The following TAFA2 variants were observed in gnomAD, a reference collection of about 807,000 sequenced individuals.
TAFA2 encodes the protein chemokine-like protein TAFA-2.
TAFA2 carries 7 observed loss-of-function variants against 18.8 expected under a neutral mutation model. The observed-to-expected ratio is 0.37, with a 90% CI of 0.21 to 0.70. TAFA2 has a LOEUF of 0.70. TAFA2 is among the 30% of genes least tolerant of loss of function. TAFA2 has a pLI of 0.53. For synonymous variants in TAFA2, 60 were observed against 54.2 expected (o/e 1.11, Z -0.47); for missense variants, 122 against 158.1 (o/e 0.77, Z 1.23).
chr12:62,026,338 C>T (rs1330702787), intron 1 of TAFA2, among the ~76,000 whole-genome samples: 1 of 152,036 alleles, frequency 6.6e-6, no homozygotes, highest in Non-Finnish European at 1.5e-5. Flanking sequence ...TTGAGGTTTG[C>T]CCTTAAAGCG....
At position 61,914,505 on chromosome 12, in the gene TAFA2, C is replaced by A. The variant is rs186242293; in HGVS notation, c.-1-47079G>T. On this transcript the variant is annotated intron_variant, in intron 1 of 4. Coordinates refer to ENST00000416284, the MANE Select transcript of TAFA2 (RefSeq NM_178539.5). The stretch of plus-strand genomic sequence containing the variant: ...TTTTGAAACTAAGAGTTACTGTAAA[C>A]CTAATTAAAATGACTGGTGTTATTC... Among the ~76,000 whole-genome samples the A allele has an allele frequency of 1.4e-3, 219 of 152,156 alleles. 1 individual carries two copies. The highest frequency in any genetic ancestry group is 5.1e-3 in the African/African-American group (212 of 41,544).
At chr12:61,839,689 C>T (rs1172630523) in intron 2 of TAFA2, among the ~76,000 whole-genome samples, 1 of 151,912 alleles carries the variant, frequency 6.6e-6, no homozygotes, top group Non-Finnish European at 1.5e-5. Context: ...CAAATGGGAG[C>T]TAAACATTTG....
At chr12:61,919,882 G>T (rs1176759863) in intron 1 of TAFA2, among the ~76,000 whole-genome samples, 2 of 152,114 alleles carry the variant, frequency 1.3e-5, no homozygotes, top group Non-Finnish European at 2.9e-5. Context: ...AGTAAGTTCT[G>T]ATTCAATTGC....
intron 3 of TAFA2, among the ~76,000 whole-genome samples, chr12:61,754,394 T>G (rs1397057773): frequency 2.0e-5 from 3 of 151,824 alleles, no homozygotes; most frequent in Non-Finnish European, 4.4e-5. Flanking sequence ...AGGAAAAAAA[T>G]TAATATATTA....
intron 1 of TAFA2, among the ~76,000 whole-genome samples, chr12:61,948,840 A>T (rs1225018616): frequency 1.3e-5 from 2 of 152,080 alleles, no homozygotes; most frequent in Admixed American, 6.5e-5. Flanking sequence ...GCTCCATTAC[A>T]CCCATAGTGT....
intron 4 of TAFA2, among the ~76,000 whole-genome samples, chr12:61,719,220 A>G (rs943742412): frequency 6.6e-6 from 1 of 152,180 alleles, no homozygotes; most frequent in African/African-American, 2.4e-5. Flanking sequence ...GCCTTTCCCC[A>G]AAACTCAACC....
intron 1 of TAFA2, among the ~76,000 whole-genome samples, chr12:61,966,621 C>T (rs778746853): frequency 1.3e-5 from 2 of 151,834 alleles, no homozygotes; most frequent in Non-Finnish European, 2.9e-5. Context: ...TCTTTTAAAA[C>T]ATCCATGTCA....
intron 1 of TAFA2, among the ~76,000 whole-genome samples, chr12:61,975,719 T>C (rs1387801358): frequency 6.6e-6 from 1 of 151,824 alleles, no homozygotes; most frequent in African/African-American, 2.4e-5. Flanking sequence ...CAGGGACCCA[T>C]CTGATGATTA....
intron 2 of TAFA2, among the ~76,000 whole-genome samples, chr12:61,777,185 G>T (rs970595201): frequency 6.6e-6 from 1 of 151,878 alleles, no homozygotes; most frequent in African/African-American, 2.4e-5. Flanking sequence ...CAGCCTTCTG[G>T]GGGGAAGCAG....
intron 4 of TAFA2, among the ~76,000 whole-genome samples, chr12:61,733,992 C>A (rs1357854497): frequency 6.8e-6 from 1 of 147,520 alleles, no homozygotes; most frequent in Non-Finnish European, 1.5e-5. Context: ...CCTTCACATC[C>A]CTTGTAAGTT....
chr12:61,847,693 A>G (rs370104994), intron 2 of TAFA2, among the ~76,000 whole-genome samples: 4 of 152,236 alleles, frequency 2.6e-5, no homozygotes, highest in Admixed American at 1.3e-4. Context: ...TGCATCACCT[A>G]TCTTTGACCC....
At chr12:61,986,288 C>CGAGTAGCT (rs1200528872) in intron 1 of TAFA2, among the ~76,000 whole-genome samples, 1 of 150,702 alleles carries the variant, frequency 6.6e-6, no homozygotes, top group African/African-American at 2.4e-5. Flanking sequence ...CTTCAGCCTC[C>CGAGTAGCT]GAGTAGCTGG....
intron 1 of TAFA2, among the ~76,000 whole-genome samples, chr12:61,920,921 A>G (rs1049500820): frequency 6.6e-6 from 1 of 152,198 alleles, no homozygotes; most frequent in Non-Finnish European, 1.5e-5. Flanking sequence ...GACTTAAAGA[A>G]GATGAGTGAG....
intron 1 of TAFA2, among the ~76,000 whole-genome samples, chr12:62,230,965 C>G (rs1294065954): frequency 6.6e-6 from 1 of 152,180 alleles, no homozygotes; most frequent in African/African-American, 2.4e-5. Context: ...CATGAGCTAC[C>G]ACACCCAGCC....
At chr12:61,753,034 G>A (rs1022457627) in intron 4 of TAFA2, among the ~76,000 whole-genome samples, 1 of 151,868 alleles carries the variant, frequency 6.6e-6, no homozygotes, top group African/African-American at 2.4e-5. Flanking sequence ...CGAGAGGTCA[G>A]TAATTACAAA....
rs61920573 is a variant in TAFA2, at chr12:62,144,193, T to C, written c.-2+47066A>G. On this transcript the variant is annotated intron_variant, in intron 1 of 4. Transcript: ENST00000416284. ...CTTAAGTAAGATCTGTGTGTCCTTC[T>C]CTAGAAGATACATTTCAATATAGTA... Among the ~76,000 whole-genome samples the C allele has an allele frequency of 5.5e-3, 842 of 152,234 alleles. 4 individuals carry two copies. The highest frequency in any genetic ancestry group is 0.01 in the Middle Eastern group (3 of 294).
At chr12:62,182,927 A>G (rs2062561161) in intron 1 of TAFA2, among the ~76,000 whole-genome samples, 1 of 152,248 alleles carries the variant, frequency 6.6e-6, no homozygotes, top group African/African-American at 2.4e-5. Context: ...CCATTCCTTC[A>G]GATTAATTTC....
At chr12:62,133,108 C>T (rs1252618468) in intron 1 of TAFA2, among the ~76,000 whole-genome samples, 1 of 151,928 alleles carries the variant, frequency 6.6e-6, no homozygotes, top group Non-Finnish European at 1.5e-5. Context: ...AATTTTGACA[C>T]ACAGGCACCC....
chr12:62,250,071 T>A (rs2062905269), intron 1 of TAFA2, among the ~76,000 whole-genome samples: 1 of 152,232 alleles, frequency 6.6e-6, no homozygotes. Context: ...AGATGGGGCA[T>A]CTGCATCTGG....
Sources: gnomAD v4.1 joint callset for allele counts (sites outside exome capture counted in the v4.1 genomes callset) on GRCh38, gnomAD v4.1.1 for gene constraint, MANE v1.5 for transcripts, NCBI Gene and HGNC (gene_info 2026-07-23, HGNC 2026-07-21) for gene names.